The following LACC1 variants were observed in gnomAD, a reference collection of about 807,000 sequenced individuals.
LACC1 encodes the protein laccase domain multifunctional purine nucleosidase 1, also known as purine nucleoside phosphorylase LACC1.
Under a neutral mutation model 34.8 loss-of-function variants are expected in LACC1, and 25 were observed. The ratio of observed to expected loss-of-function variants is 0.72; its 90% CI spans 0.52 to 1.00. The LOEUF (loss-of-function observed/expected upper bound fraction) is 1.00, where lower values mean the gene tolerates loss of function less well. Among genes scored for constraint, LACC1 ranks in the 50% least tolerant of loss-of-function variants. The pLI is 0.00. For missense variants in LACC1, 426 were observed against 511.2 expected (o/e 0.83, Z 1.61); for synonymous variants, 162 against 168.0 (o/e 0.96, Z 0.28).
At chr13:43,890,691 C>T (rs1445557) in intron 6 of LACC1, among the ~76,000 whole-genome samples, 78,704 of 152,024 alleles carry the variant, frequency 0.52, 20,834 homozygotes, top group East Asian at 0.67. Flanking sequence ...TTTTTGAAAA[C>T]AAATCTTTGC....
At chr13:43,887,554 C>T (rs1055051942) in intron 4 of LACC1, among the ~76,000 whole-genome samples, 1 of 151,846 alleles carries the variant, frequency 6.6e-6, no homozygotes, top group Non-Finnish European at 1.5e-5. Flanking sequence ...GGCAAGGGAA[C>T]GATAGTCTGG....
chr13:43,880,553 C>T (rs956044161), intron 1 of LACC1, among the ~76,000 whole-genome samples: 1 of 152,172 alleles, frequency 6.6e-6, no homozygotes, highest in African/African-American at 2.4e-5. Context: ...TAAACTTAAG[C>T]CCCCGCATAT....
At position 43,891,522 on chromosome 13, in the gene LACC1, T is replaced by C. The variant is rs1594904276; in HGVS notation, c.*75T>C. ...GACTGCAAGAGAGAAATTTAGCTGT[T>C]TGATTTACTTAAAACCAAATGGATT... On this transcript the variant is annotated 3_prime_UTR_variant, in exon 7 of 7. Coordinates refer to ENST00000325686, the MANE Select transcript of LACC1 (RefSeq NM_153218.4). 16 of 975,384 alleles carry C rather than the reference T, an allele frequency of 1.6e-5. No individual in the cohort carries two copies. The highest frequency in any genetic ancestry group is 1.9e-5 in the Non-Finnish European group (16 of 820,734). 60.4% of individuals were successfully genotyped at this position (975,384 alleles called of 1,614,324 possible). A position where few individuals can be genotyped will look rare whatever the true frequency, so the allele number is the denominator to read the frequency against.
chr13:43,882,564 GATATAT>G (rs56292789), intron 3 of LACC1, among the ~76,000 whole-genome samples: 141 of 139,140 alleles, frequency 1.0e-3, no homozygotes, highest in African/African-American at 3.5e-3. Flanking sequence ...CACACGTGCA[GATATAT>G]ATATATATAT....
At position 43,891,552 on chromosome 13, in the gene LACC1, T is replaced by A. The variant is rs1955569255; in HGVS notation, c.*105T>A. The A allele has an allele frequency of 1.1e-6, 1 of 920,414 alleles. No homozygotes were observed. The highest frequency in any genetic ancestry group is 1.3e-6 in the Non-Finnish European group (1 of 770,586). 57.0% of individuals were successfully genotyped at this position (920,414 alleles called of 1,614,324 possible). ...TTACTTAAAACCAAATGGATTACAA[T>A]GGATAATTCATCTTTTGGGTATATT... On this transcript the variant is annotated 3_prime_UTR_variant, in exon 7 of 7. Transcript: ENST00000325686.
rs143579839 is a variant in LACC1 at position 43,879,949 on chromosome 13, C to A, written c.-205C>A. On this transcript the variant is annotated 5_prime_UTR_variant, in exon 1 of 7. Transcript: ENST00000325686. ...CGAGGGACGGGGCGGCAAATTGTCA[C>A]AGAGGTCGCCGTAGACCGGTGTGCA... The A allele has an allele frequency of 2.8e-3, 434 of 152,694 alleles. 3 individuals are homozygous for A. Among genetic ancestry groups the A allele is most frequent in the Admixed American group, 8.6e-3 (131 of 15,254 alleles). The allele number at this position is 152,694 out of a possible 1,614,324, so 9.5% of individuals were successfully genotyped here.
intron 4 of LACC1, among the ~76,000 whole-genome samples, chr13:43,887,799 T>C (rs1013264703): frequency 6.6e-6 from 1 of 151,928 alleles, no homozygotes; most frequent in Admixed American, 6.6e-5. Flanking sequence ...CCTCAGAAAA[T>C]AAGTGTTGTT....
rs1436994586 is a variant in LACC1, at chr13:43,892,059, TAG to T, written c.*620_*621del. On this transcript the variant is annotated 3_prime_UTR_variant, in exon 7 of 7. Coordinates refer to ENST00000325686, the MANE Select transcript of LACC1 (RefSeq NM_153218.4). ...GAAACTGAAAGTGCATAACATATTC[TAG>T]AGAGAGAAGGGTGTGGGCATGAGTT... 1.3e-5 allele frequency: 2 copies of T among 151,694 alleles called. No homozygotes were observed. Among genetic ancestry groups the T allele is most frequent in the Non-Finnish European group, 2.9e-5 (2 of 67,914 alleles). The allele number at this position is 151,694 out of a possible 1,614,324, so 9.4% of individuals were successfully genotyped here.
intron 4 of LACC1, among the ~76,000 whole-genome samples, chr13:43,884,361 G>A (rs943546079): frequency 6.6e-6 from 1 of 152,090 alleles, no homozygotes; most frequent in Admixed American, 6.5e-5. Context: ...AACCCTCCAA[G>A]CTTTTCAAAA....
chr13:43,884,442 T>G (rs1955221779), intron 4 of LACC1, among the ~76,000 whole-genome samples: 1 of 152,160 alleles, frequency 6.6e-6, no homozygotes, highest in South Asian at 2.1e-4. Context: ...AATAGGAATG[T>G]TAGGCATGTT....
At chr13:43,886,974 A>G (rs1271892357) in intron 4 of LACC1, among the ~76,000 whole-genome samples, 1 of 152,136 alleles carries the variant, frequency 6.6e-6, no homozygotes, top group Non-Finnish European at 1.5e-5. Context: ...TCACTGAGGA[A>G]GAGAGCTACT....
upstream of LACC1, chr13:43,879,768 G>GTGAGGCGGGGCGAGGC (rs1263409376): frequency 6.7e-3 from 796 of 119,402 alleles, 16 homozygotes; most frequent in African/African-American, 0.022. Flanking sequence ...GGTGGGCGAG[G>GTGAGGCGGGGCGAGGC]GGGGCGAGGT....
Position 43,883,760 on chromosome 13 carries a change from T to C in LACC1, c.742-11T>C. 1 of 1,575,810 alleles carries C rather than the reference T, an allele frequency of 6.3e-7. No homozygotes were observed. The highest frequency in any genetic ancestry group is 1.2e-5 in the South Asian group (1 of 84,814). ...TTCCAAAACATTTTTGTTGCACATT[T>C]TTGGTATTAGACTCATCATTCCAAT... On this transcript the variant is annotated splice_polypyrimidine_tract_variant and intron_variant, in intron 3 of 6. Transcript: ENST00000325686.
chr13:43,879,390 C>G (rs1954798480), upstream of LACC1: 1 of 153,230 alleles, frequency 6.5e-6, no homozygotes, highest in South Asian at 2.0e-4. Context: ...CCTTTCCGGA[C>G]TCGGCCTGCC....
chr13:43,879,966 CGGTGTGCAACCGAA>C lies in LACC1; in HGVS notation c.-183_-170del. The C allele has an allele frequency of 6.6e-6, 1 of 152,632 alleles. No homozygotes were observed. 9.5% of individuals were successfully genotyped at this position (152,632 alleles called of 1,614,324 possible). A position where few individuals can be genotyped will look rare whatever the true frequency, so the allele number is the denominator to read the frequency against. On this transcript the variant is annotated 5_prime_UTR_variant, in exon 1 of 7. Coordinates refer to ENST00000325686, the MANE Select transcript of LACC1 (RefSeq NM_153218.4). Reference sequence around the variant, plus strand: ...AATTGTCACAGAGGTCGCCGTAGACCGGTGTGCAACCGAAGGTGAAGAGCGGGAAGGCGAGGACC... The same window carrying C: ...AATTGTCACAGAGGTCGCCGTAGACCGGTGAAGAGCGGGAAGGCGAGGACC...
chr13:43,883,932 C>T lies in LACC1; in HGVS notation c.903C>T (p.His301=). The stretch of plus-strand genomic sequence containing the variant: ...TCAAAAAAGCATGTGGGGTTGCTCA[C>T]GCTGGTAAGTATACTTAATTAAACA... ...DPVKKACGVA[H]AGWKGTLLGV... The change falls in exon 4 of 7, where the codon CAC becomes CAT. Residue 301 remains histidine (H), a synonymous_variant. Transcript: ENST00000325686. 2 of 1,608,104 alleles carry T rather than the reference C, an allele frequency of 1.2e-6. No homozygotes were observed. Among genetic ancestry groups the T allele is most frequent in the Non-Finnish European group, 1.7e-6 (2 of 1,176,750 alleles).
chr13:43,879,772 G>A (rs1954849893), upstream of LACC1: 1 of 146,554 alleles, frequency 6.8e-6, no homozygotes, highest in Admixed American at 6.9e-5. Flanking sequence ...GGCGAGGGGG[G>A]CGAGGTGAGG....
rs764854342 is a variant in LACC1, at chr13:43,881,348, A to C, written c.363A>C (p.Gln121His). The change falls in exon 2 of 7, where the codon CAA becomes CAC. Residue 121 changes from glutamine (Q) to histidine (H), a missense_variant. Gln to His is a conservative substitution (Grantham distance 24). This residue lies in a region of LACC1 where 217 missense variants were observed against 210.9 expected (regional missense o/e 1.03). Coordinates refer to ENST00000325686, the MANE Select transcript of LACC1 (RefSeq NM_153218.4). ...CATTAATGAAAGCTTTTATTGATCA[A>C]CTCTTCACTGATGTTTACAATTTTG... The part of the protein sequence containing the change: ...RKTLMKAFID[Q>H]LFTDVYNFEF... The C allele has an allele frequency of 5.0e-6, 8 of 1,613,800 alleles. No individual in the cohort carries two copies. The highest frequency in any genetic ancestry group is 1.7e-5 in the Admixed American group (1 of 59,968).
intron 3 of LACC1, 129 bp from the exon 4 acceptor site, chr13:43,883,642 A>G (rs1462441904): frequency 1.1e-5 from 6 of 539,302 alleles, no homozygotes; most frequent in Admixed American, 3.6e-5. Context: ...TAAAAGTGAT[A>G]TATTTAATGA....
Sources: gnomAD v4.1 joint callset for allele counts (sites outside exome capture counted in the v4.1 genomes callset) on GRCh38, gnomAD v4.1.1 for gene constraint, gnomAD v4.1.1 regional missense constraint, MANE v1.5 for transcripts, NCBI Gene and HGNC (gene_info 2026-07-23, HGNC 2026-07-21) for gene names.